DNAH5: variants seen among roughly 807,000 people sequenced by gnomAD.
DNAH5 encodes the protein dynein axonemal heavy chain 5, also known as axonemal beta dynein heavy chain 5.
In DNAH5, 372 loss-of-function variants were observed where a neutral mutation model predicts 518.2. The ratio of observed to expected loss-of-function variants is 0.72; its 90% CI spans 0.66 to 0.78. The LOEUF (loss-of-function observed/expected upper bound fraction) is 0.78, where lower values mean the gene tolerates loss of function less well. Among genes scored for constraint, DNAH5 ranks in the 30% least tolerant of loss-of-function variants. The probability of loss-of-function intolerance (pLI) is 0.00; values close to 1 mark genes in which losing one functional copy is unlikely to be tolerated. For missense variants in DNAH5, 5,523 were observed against 5,687.0 expected (o/e 0.97, Z 0.93); for synonymous variants, 2,039 against 2,025.9 (o/e 1.01, Z -0.17).
Position 13,968,106 on chromosome 5 carries a change from GT to G in DNAH5, c.13-36863del, listed in dbSNP as rs370081542. Among the ~76,000 whole-genome samples, 628 of 152,198 alleles carry G rather than the reference GT, an allele frequency of 4.1e-3. 7 individuals are homozygous for G. The highest frequency in any genetic ancestry group is 0.015 in the African/African-American group (610 of 41,538). On this transcript the variant is annotated intron_variant, in intron 1 of 78. Coordinates refer to the DNAH5 transcript ENST00000681290. Reference sequence around the variant, plus strand: ...TTGCAGCTATTGTAAAAGGGGTTGAGTTCTTGATTTGATTCTCAGCTTGGTC... The same window carrying G: ...TTGCAGCTATTGTAAAAGGGGTTGAGTCTTGATTTGATTCTCAGCTTGGTC...
intron 16 of DNAH5, among the ~76,000 whole-genome samples, 170 bp from the exon 17 acceptor site, chr5:13,891,291 C>A (rs1388932818): frequency 1.3e-5 from 2 of 152,150 alleles, no homozygotes; most frequent in Non-Finnish European, 2.9e-5. Context: ...AATAAAATAT[C>A]CAAGTTGTTA....
At position 13,882,811 on chromosome 5, in the gene DNAH5, T is replaced by A. The variant is rs145672251; in HGVS notation, c.3179A>T (p.Lys1060Met). The change falls in exon 21 of 79, where the codon AAG becomes ATG. Residue 1060 changes from lysine (K) to methionine (M), a missense_variant. Around this residue, in one of 3 missense-constraint regions of DNAH5, gnomAD observed 5,121 missense variants for 5,223.3 expected, o/e 0.98. Coordinates refer to ENST00000265104, the MANE Select transcript of DNAH5 (RefSeq NM_001369.3). ...QWSSELLSKK[K>M]IQERKMAALQ... is the part of the protein sequence containing the mutation. Reference sequence around the variant, plus strand: ...AGCAGCCATTTTTCTTTCTTGTATCTTTTTCTACAATGTAAAAGGATATTT... The same window carrying A: ...AGCAGCCATTTTTCTTTCTTGTATCATTTTCTACAATGTAAAAGGATATTT... 822 of 1,613,924 alleles carry A rather than the reference T, an allele frequency of 5.1e-4. 2 individuals are homozygous for A. The highest frequency in any genetic ancestry group is 6.4e-4 in the Non-Finnish European group (753 of 1,179,780).
At chr5:13,795,535 C>A (rs1019530872) in intron 47 of DNAH5, among the ~76,000 whole-genome samples, 4 of 152,140 alleles carry the variant, frequency 2.6e-5, no homozygotes, top group South Asian at 2.1e-4. Context: ...CAATAACAGG[C>A]TCTGCAATTG....
rs1041837636 is a variant in DNAH5 at position 13,698,709 on chromosome 5, A to C, written c.13723+1931T>G. 5.9e-5 allele frequency among the ~76,000 whole-genome samples: 9 copies of C among 152,194 alleles called. No individual in the cohort carries two copies. In the South Asian group the frequency reaches 8.3e-4, roughly 14 times the overall value. On this transcript the variant is annotated intron_variant, in intron 78 of 78. Coordinates refer to ENST00000265104, the MANE Select transcript of DNAH5 (RefSeq NM_001369.3). ...TTTTAAATAGGAAAAAGTACCCCCC[A>C]AAAATTGAAAAACATAGTACTAAAG...
At chr5:13,701,500 T>C in intron 76 of DNAH5, 64 bp from the exon 77 acceptor site, 1 of 1,384,094 alleles carries the variant, frequency 7.2e-7, no homozygotes, top group Non-Finnish European at 1.0e-6. Context: ...AAACCAGCTA[T>C]GTTCACTGAA....
intron 47 of DNAH5, among the ~76,000 whole-genome samples, chr5:13,796,782 A>G (rs1757891564): frequency 6.6e-6 from 1 of 152,180 alleles, no homozygotes; most frequent in Admixed American, 6.5e-5. Context: ...GAGGCATCAC[A>G]CTACCTGACT....
At position 13,914,703 on chromosome 5, in the gene DNAH5, C is replaced by T. The variant is rs572887109; in HGVS notation, c.1198-61G>A. On this transcript the variant is annotated intron_variant, in intron 9 of 78. Transcript: ENST00000265104. The stretch of plus-strand genomic sequence containing the variant: ...AAACAGCCATGGATTGTAAACTGGA[C>T]TAGAAGGTCCTTAACTCTTCTACTT... 1.9e-6 allele frequency: 3 copies of T among 1,547,284 alleles called. No homozygotes were observed. In the African/African-American group the frequency reaches 4.1e-5, roughly 21 times the overall value.
At position 13,820,482 on chromosome 5, in the gene DNAH5, T is replaced by A. The variant is rs765945557; in HGVS notation, c.6705A>T (p.Leu2235Phe). ...TCAGTTTCCAAGGAGGATGGTTGAT[T>A]AAACCAGCTTCTTCAACCTGAAAAC... ...AISRQVEEAG[L>F]INHPPWKLKV... The change falls in exon 41 of 79, where the codon TTA becomes TTT. Residue 2235 changes from leucine to phenylalanine, a missense_variant. Coordinates refer to ENST00000265104, the MANE Select transcript of DNAH5 (RefSeq NM_001369.3). The A allele has an allele frequency of 6.2e-7, 1 of 1,614,028 alleles. No homozygotes were observed. Among genetic ancestry groups the A allele is most frequent in the Non-Finnish European group, 8.5e-7 (1 of 1,180,032 alleles).
At chr5:13,770,013 GA>G (rs1392436287) in intron 56 of DNAH5, among the ~76,000 whole-genome samples, 1 of 152,180 alleles carries the variant, frequency 6.6e-6, no homozygotes, top group Non-Finnish European at 1.5e-5. Context: ...GTCAAAAGAA[GA>G]ATGATGTGGG....
At chr5:13,838,624 C>G (rs1218456633) in intron 35 of DNAH5, among the ~76,000 whole-genome samples, 1 of 152,134 alleles carries the variant, frequency 6.6e-6, no homozygotes, top group Non-Finnish European at 1.5e-5. Flanking sequence ...ACTCGGGGCT[C>G]TCACTGATTC....
chr5:13,977,453 C>T (rs983642448), intron 1 of DNAH5, among the ~76,000 whole-genome samples: 1 of 150,886 alleles, frequency 6.6e-6, no homozygotes, highest in Non-Finnish European at 1.5e-5. Context: ...CATTTCTCAC[C>T]GCTCAGGAGG....
At chr5:13,789,286 A>G (rs557543593) in intron 50 of DNAH5, among the ~76,000 whole-genome samples, 2 of 152,296 alleles carry the variant, frequency 1.3e-5, no homozygotes, top group South Asian at 4.1e-4. Flanking sequence ...AATATGAACA[A>G]CTCTCATGTA....
chr5:13,809,947 T>TA, intron 45 of DNAH5, 112 bp downstream of exon 45: 1 of 1,129,546 alleles, frequency 8.9e-7, no homozygotes, highest in Non-Finnish European at 1.3e-6. Context: ...TTTCATATCT[T>TA]ACAGCCAATA....
intron 42 of DNAH5, among the ~76,000 whole-genome samples, chr5:13,816,552 G>T (rs1383199849): frequency 7.5e-6 from 1 of 133,042 alleles, no homozygotes. Flanking sequence ...ATGTGGAAAG[G>T]GGAAAAAAAA....
intron 65 of DNAH5, among the ~76,000 whole-genome samples, chr5:13,742,801 TA>T (rs1748778268): frequency 6.6e-6 from 1 of 152,042 alleles, no homozygotes; most frequent in African/African-American, 2.4e-5. Flanking sequence ...ATATACTAAG[TA>T]AACAGTATAA....
At position 13,747,560 on chromosome 5, in the gene DNAH5, C is replaced by G. The variant is rs187614318; in HGVS notation, c.11211+3518G>C. On this transcript the variant is annotated intron_variant, in intron 65 of 78. Coordinates refer to ENST00000265104, the MANE Select transcript of DNAH5 (RefSeq NM_001369.3). ...TCCTCTCCAGCATGTTGCTTCCTGA[C>G]TTTTTAATGATCGCCATTCTAACTG... is the stretch of plus-strand genomic sequence containing the variant. Among the ~76,000 whole-genome samples, 234 of 152,284 alleles carry G rather than the reference C, an allele frequency of 1.5e-3. 2 individuals are homozygous for G. Among genetic ancestry groups the G allele is most frequent in the African/African-American group, 5.3e-3 (220 of 41,554 alleles).
At chr5:13,772,723 A>C (rs1352949677) in intron 55 of DNAH5, among the ~76,000 whole-genome samples, 1 of 152,234 alleles carries the variant, frequency 6.6e-6, no homozygotes, top group Non-Finnish European at 1.5e-5. Flanking sequence ...TACAAAATCC[A>C]GTATCAGCCC....
chr5:13,718,249 G>C (rs1744570595), intron 72 of DNAH5, among the ~76,000 whole-genome samples: 1 of 152,126 alleles, frequency 6.6e-6, no homozygotes, highest in Admixed American at 6.5e-5. Flanking sequence ...TTTTATATAT[G>C]AGAAAATTGA....
chr5:13,972,219 G>A (rs1781922649), intron 1 of DNAH5, among the ~76,000 whole-genome samples: 1 of 152,176 alleles, frequency 6.6e-6, no homozygotes, highest in Non-Finnish European at 1.5e-5. Flanking sequence ...TGAGCAGGCT[G>A]AGAACTTGCC....
Sources: gnomAD v4.1 joint callset for allele counts (sites outside exome capture counted in the v4.1 genomes callset) on GRCh38, gnomAD v4.1.1 for gene constraint, gnomAD v4.1.1 regional missense constraint, MANE v1.5 for transcripts, NCBI Gene and HGNC (gene_info 2026-07-23, HGNC 2026-07-21) for gene names.